SPATA7: variants seen among roughly 807,000 people sequenced by gnomAD.
The protein encoded by SPATA7 is spermatogenesis associated 7.
A neutral mutation model predicts 51.8 loss-of-function variants in SPATA7; 43 were observed. The ratio of observed to expected loss-of-function variants is 0.83; its 90% CI spans 0.65 to 1.07. The LOEUF is 1.07. SPATA7 is among the 50% of genes least tolerant of loss of function. The pLI, the probability that SPATA7 is intolerant of heterozygous loss-of-function variation, is 0.00. For synonymous variants in SPATA7, 230 were observed against 252.8 expected (o/e 0.91, Z 0.86); for missense variants, 683 against 701.3 (o/e 0.97, Z 0.30).
chr14:88,446,877 A>G (rs1321675344), intron 3 of SPATA7, among the ~76,000 whole-genome samples: 3 of 151,982 alleles, frequency 2.0e-5, no homozygotes, highest in Non-Finnish European at 2.9e-5. Context: ...GTTCTTTTAC[A>G]TTTGTTGAGG....
At chr14:88,470,087 G>A (rs1415804726) in exon 5 of SPATA7, 13 of 1,598,758 alleles carry the variant, frequency 8.1e-6, no homozygotes, top group Non-Finnish European at 1.1e-5. Flanking sequence ...TGATGTGTGG[G>A]TATAATATAC....
intron 10 of SPATA7, among the ~76,000 whole-genome samples, chr14:88,435,282 T>A (rs2077052929): frequency 6.6e-6 from 1 of 152,202 alleles, no homozygotes; most frequent in South Asian, 2.1e-4. Context: ...TTAAATTTTT[T>A]AATTATTTTT....
At chr14:88,409,284 G>A (rs551116883) in intron 4 of SPATA7, among the ~76,000 whole-genome samples, 15 of 152,150 alleles carry the variant, frequency 9.9e-5, no homozygotes, top group African/African-American at 3.4e-4. Flanking sequence ...ACTTGTTATG[G>A]GTCTATTCAG....
intron 4 of SPATA7, among the ~76,000 whole-genome samples, chr14:88,411,118 C>T (rs73321884): frequency 1.3e-4 from 20 of 152,108 alleles, no homozygotes; most frequent in Non-Finnish European, 1.9e-4. Flanking sequence ...GGCCTTGTGG[C>T]GCTGTGGTGG....
chr14:88,425,806 C>G (rs2076773303), intron 5 of SPATA7, among the ~76,000 whole-genome samples: 1 of 152,084 alleles, frequency 6.6e-6, no homozygotes, highest in Non-Finnish European at 1.5e-5. Flanking sequence ...GGCTTAACAT[C>G]ACAAAGGGAT....
At chr14:88,447,614 G>T (rs953648954) in intron 3 of SPATA7, among the ~76,000 whole-genome samples, 2 of 151,702 alleles carry the variant, frequency 1.3e-5, no homozygotes, top group African/African-American at 4.8e-5. Flanking sequence ...ATTTTGCAGC[G>T]GCTGGTACCG....
chr14:88,446,462 GT>G (rs1465615196), intron 3 of SPATA7, among the ~76,000 whole-genome samples: 10 of 151,810 alleles, frequency 6.6e-5, no homozygotes, highest in Non-Finnish European at 1.3e-4. Context: ...TTTTTGAAGG[GT>G]TTTTTGTGTC....
chr14:88,429,529 A>G, intron 8 of SPATA7, 66 bp downstream of exon 8: 2 of 1,031,394 alleles, frequency 1.9e-6, no homozygotes, highest in Non-Finnish European at 3.1e-6. Flanking sequence ...ACAGACATAT[A>G]GTATTTGCCG....
At chr14:88,452,403 C>T (rs754189363) in intron 3 of SPATA7, among the ~76,000 whole-genome samples, 12 of 152,188 alleles carry the variant, frequency 7.9e-5, no homozygotes, top group Non-Finnish European at 1.5e-4. Flanking sequence ...GTTCGTTGGC[C>T]TCCAGCCAGG....
chr14:88,469,157 A>T lies in SPATA7; in HGVS notation c.255-690A>T. 2 of 1,424,662 alleles carry T rather than the reference A, an allele frequency of 1.4e-6. No individual in the cohort carries two copies. Among genetic ancestry groups the T allele is most frequent in the South Asian group, 1.4e-5 (1 of 73,108 alleles). 88.3% of individuals were successfully genotyped at this position (1,424,662 alleles called of 1,614,324 possible). The stretch of plus-strand genomic sequence containing the variant: ...TTGACTCAATCTTCATATTCTCTCC[A>T]CTGATTAAGAGGACTGCAGATAAAG... On this transcript the variant is annotated intron_variant, in intron 4 of 4. Coordinates refer to the SPATA7 transcript ENST00000556406. The surrounding 1 kb of genome is among the most constrained non-coding windows in gnomAD (Gnocchi z 4.3).
At position 88,397,436 on chromosome 14, in the gene SPATA7, C is replaced by T. The variant is rs534630936; in HGVS notation, c.238+1233C>T. ...GGCAAGTGGATCACTTGAGCCCAGG[C>T]ATTTAAGAGTAGCCTAGGCAACATG... On this transcript the variant is annotated intron_variant, in intron 4 of 11. Coordinates refer to ENST00000393545, the MANE Select transcript of SPATA7 (RefSeq NM_018418.5). 9.7e-4 allele frequency among the ~76,000 whole-genome samples: 148 copies of T among 152,164 alleles called. 1 individual carries two copies. Among genetic ancestry groups the T allele is most frequent in the African/African-American group, 3.3e-3 (139 of 41,514 alleles).
chr14:88,388,566 A>C (rs1441718495), intron 1 of SPATA7, among the ~76,000 whole-genome samples: 1 of 152,190 alleles, frequency 6.6e-6, no homozygotes, highest in Admixed American at 6.5e-5. Flanking sequence ...GAAAAGTTAA[A>C]GAATTGTTAT....
downstream of SPATA7, among the ~76,000 whole-genome samples, chr14:88,456,660 C>G (rs1425383557): frequency 1.3e-5 from 2 of 150,392 alleles, no homozygotes; most frequent in Non-Finnish European, 2.9e-5. Flanking sequence ...AAAATTTTCT[C>G]CCATTCTGTA....
At chr14:88,451,273 G>A (rs367746730) in intron 3 of SPATA7, among the ~76,000 whole-genome samples, 3 of 151,764 alleles carry the variant, frequency 2.0e-5, no homozygotes, top group African/African-American at 4.8e-5. Flanking sequence ...GGGTTCAAGC[G>A]AATCTCCTAT....
At chr14:88,430,441 C>G (rs994371652) in intron 8 of SPATA7, among the ~76,000 whole-genome samples, 5 of 151,948 alleles carry the variant, frequency 3.3e-5, no homozygotes, top group African/African-American at 1.2e-4. Flanking sequence ...CTAATACTTT[C>G]TAAAAGAAGT....
intron 4 of SPATA7, among the ~76,000 whole-genome samples, chr14:88,396,639 G>A (rs2075888019): frequency 6.6e-6 from 1 of 151,924 alleles, no homozygotes; most frequent in African/African-American, 2.4e-5. Context: ...ATTCCATTCT[G>A]TGTATATACC....
downstream of SPATA7, among the ~76,000 whole-genome samples, chr14:88,441,564 C>T (rs1222938092): frequency 2.6e-5 from 4 of 152,116 alleles, no homozygotes; most frequent in South Asian, 2.1e-4. Flanking sequence ...GGTGGTATCG[C>T]GTTGTGGTTT....
chr14:88,432,181 C>A (rs1342662401), intron 9 of SPATA7, among the ~76,000 whole-genome samples: 1 of 151,998 alleles, frequency 6.6e-6, no homozygotes, highest in East Asian at 1.9e-4. Context: ...CAGTTCTTTG[C>A]AGATATTTTA....
Position 88,391,472 on chromosome 14 carries a change from A to G in SPATA7, c.94+17A>G. Reference sequence around the variant, plus strand: ...AAAGTAATGGTAAGTGAGGTGCTTAAAACGGCAGCTTTGTTAGAAGATTGT... The same window carrying G: ...AAAGTAATGGTAAGTGAGGTGCTTAGAACGGCAGCTTTGTTAGAAGATTGT... On this transcript the variant is annotated intron_variant, in intron 2 of 11. Transcript: ENST00000393545. 2 of 1,607,714 alleles carry G rather than the reference A, an allele frequency of 1.2e-6. No homozygotes were observed. The highest frequency in any genetic ancestry group is 1.7e-6 in the Non-Finnish European group (2 of 1,174,582).
Sources: allele counts gnomAD v4.1 joint callset (sites outside exome capture counted in the v4.1 genomes callset), GRCh38; gene constraint gnomAD v4.1.1; non-coding constraint Gnocchi (gnomAD v3.1); transcripts MANE v1.5; gene names NCBI Gene and HGNC (gene_info 2026-07-23, HGNC 2026-07-21).